PDE5A: variants seen among roughly 807,000 people sequenced by gnomAD.
PDE5A encodes cGMP-specific 3',5'-cyclic phosphodiesterase.
A neutral mutation model predicts 110.2 loss-of-function variants in PDE5A; 67 were observed. That is an observed-to-expected ratio of 0.61 (90% CI 0.50 to 0.75). The LOEUF is 0.75. PDE5A is among the 30% of genes least tolerant of loss of function. The pLI, the probability that PDE5A is intolerant of heterozygous loss-of-function variation, is 0.00. For missense variants in PDE5A, 862 were observed against 1,045.1 expected, an observed-to-expected ratio of 0.82 and a Z score of 2.42; for synonymous variants, 328 against 351.2, an observed-to-expected ratio of 0.93 and a Z score of 0.74.
chr4:119,583,783 G>A (rs1728668586), intron 3 of PDE5A, among the ~76,000 whole-genome samples: 1 of 152,166 alleles, frequency 6.6e-6, no homozygotes, highest in Non-Finnish European at 1.5e-5. Context: ...AAGAGAGAAT[G>A]GAAGGAAATG....
intron 14 of PDE5A, among the ~76,000 whole-genome samples, chr4:119,514,548 TC>T (rs66918511): frequency 0.022 from 3,304 of 152,138 alleles, 119 homozygotes; most frequent in African/African-American, 0.076. Flanking sequence ...TAATGATGAT[TC>T]ATTTCACCTT....
intron 19 of PDE5A, among the ~76,000 whole-genome samples, chr4:119,501,613 A>G (rs1725336770): frequency 6.6e-6 from 1 of 152,298 alleles, no homozygotes; most frequent in Non-Finnish European, 1.5e-5. Context: ...AAAGAACACA[A>G]AGCTGGCTCT....
At chr4:119,502,141 T>C (rs1046063838) in intron 19 of PDE5A, among the ~76,000 whole-genome samples, 1 of 152,112 alleles carries the variant, frequency 6.6e-6, no homozygotes, top group Non-Finnish European at 1.5e-5. Flanking sequence ...CTCTATTAAA[T>C]TCTTTTGATG....
intron 11 of PDE5A, among the ~76,000 whole-genome samples, chr4:119,538,441 G>C (rs1340959556): frequency 6.6e-6 from 1 of 152,064 alleles, no homozygotes; most frequent in Non-Finnish European, 1.5e-5. Context: ...TCCAAACCAA[G>C]ACCTACAACA....
intron 14 of PDE5A, among the ~76,000 whole-genome samples, chr4:119,515,474 G>GA (rs963039668): frequency 6.6e-5 from 10 of 151,794 alleles, no homozygotes; most frequent in African/African-American, 2.2e-4. Flanking sequence ...CTCTAACCTT[G>GA]AAAAAAACAC....
intron 1 of PDE5A, among the ~76,000 whole-genome samples, chr4:119,620,190 G>A (rs914270305): frequency 6.6e-6 from 1 of 152,130 alleles, no homozygotes; most frequent in African/African-American, 2.4e-5. Flanking sequence ...TAAACAAAAC[G>A]GGAGATTTTG....
intron 14 of PDE5A, among the ~76,000 whole-genome samples, chr4:119,516,831 G>C (rs1253920153): frequency 1.3e-5 from 2 of 152,166 alleles, no homozygotes; most frequent in African/African-American, 4.8e-5. Context: ...ATATTGGCCA[G>C]CCTGGTCTCG....
At chr4:119,510,064 GGA>G (rs1725685931) in intron 15 of PDE5A, among the ~76,000 whole-genome samples, 1 of 140,082 alleles carries the variant, frequency 7.1e-6, no homozygotes, top group Non-Finnish European at 1.6e-5. Flanking sequence ...GAGAGAGGAA[GGA>G]GTTAGAAGAA....
chr4:119,523,182 A>C (rs779923742), intron 12 of PDE5A, among the ~76,000 whole-genome samples: 1 of 152,118 alleles, frequency 6.6e-6, no homozygotes, highest in Non-Finnish European at 1.5e-5. Flanking sequence ...TTGTTGTGGT[A>C]GAGAGTGGAA....
At position 119,495,507 on chromosome 4, in the gene PDE5A, A is replaced by C. The variant is rs200180883; in HGVS notation, c.*3094T>G. On this transcript the variant is annotated 3_prime_UTR_variant, in exon 21 of 21. Coordinates refer to ENST00000354960, the MANE Select transcript of PDE5A (RefSeq NM_001083.4). ...AGGAGTACAATCTGGTGAAAAACAC[A>C]GAAAAAAATTGTAGATCAAATTGGA... 1 of 152,578 alleles carries C rather than the reference A, an allele frequency of 6.6e-6. No homozygotes were observed. Among genetic ancestry groups the C allele is most frequent in the Non-Finnish European group, 1.5e-5 (1 of 68,034 alleles). The allele number at this position is 152,578 out of a possible 1,614,324, so 9.5% of individuals were successfully genotyped here. A position where few individuals can be genotyped will look rare whatever the true frequency, so the allele number is the denominator to read the frequency against.
intron 1 of PDE5A, among the ~76,000 whole-genome samples, chr4:119,612,282 T>C (rs1035657617): frequency 2.0e-5 from 3 of 152,142 alleles, no homozygotes; most frequent in African/African-American, 7.2e-5. Context: ...GTAATTGGAT[T>C]ATGGGGGCAG....
At chr4:119,500,913 AAC>A in intron 20 of PDE5A, 1 of 453,234 alleles carries the variant, frequency 2.2e-6, no homozygotes, top group East Asian at 3.9e-5. Context: ...CCTTGAGGGT[AAC>A]ACTGGCACAT....
At chr4:119,557,600 G>C (rs1727587303) in intron 7 of PDE5A, among the ~76,000 whole-genome samples, 2 of 152,066 alleles carry the variant, frequency 1.3e-5, no homozygotes, top group Admixed American at 1.3e-4. Flanking sequence ...AAATCAAAGA[G>C]ACATGGAAAT....
chr4:119,496,199 C>T lies in PDE5A; in HGVS notation c.*2402G>A, dbSNP rs953998445. On this transcript the variant is annotated 3_prime_UTR_variant, in exon 21 of 21. Transcript: ENST00000354960. Reference sequence around the variant, plus strand: ...GGTATGTTACTCTGTTATAACTAAACAAACAAAAAATCTAGAACAAGAACT... The same window carrying T: ...GGTATGTTACTCTGTTATAACTAAATAAACAAAAAATCTAGAACAAGAACT... 2 of 151,952 alleles carry T rather than the reference C, an allele frequency of 1.3e-5. No individual in the cohort carries two copies. Among genetic ancestry groups the T allele is most frequent in the African/African-American group, 4.8e-5 (2 of 41,382 alleles). The allele number at this position is 151,952 out of a possible 1,614,324, so 9.4% of individuals were successfully genotyped here. A position where few individuals can be genotyped will look rare whatever the true frequency, so the allele number is the denominator to read the frequency against.
At chr4:119,568,523 T>G (rs934673819) in intron 3 of PDE5A, among the ~76,000 whole-genome samples, 1 of 152,138 alleles carries the variant, frequency 6.6e-6, no homozygotes. Context: ...ACTGGGGAAG[T>G]GATTACTCTG....
At chr4:119,602,660 C>A (rs1729386112) in intron 2 of PDE5A, among the ~76,000 whole-genome samples, 1 of 152,164 alleles carries the variant, frequency 6.6e-6, no homozygotes, top group African/African-American at 2.4e-5. Flanking sequence ...TGGAAATAAT[C>A]ATCTGAAATT....
rs202223380 is a variant in PDE5A at position 119,498,633 on chromosome 4, T to C, written c.2596A>G (p.Asn866Asp). Residue 866 changes from asparagine to aspartate, a missense_variant, in exon 21 of 21, where the codon AAT (asparagine) becomes GAT (aspartate). Transcript: ENST00000354960. ...LAEQQEKMLI[N>D]GESGQAKRN is the part of the protein sequence containing the mutation. ...CGCTTGGCCTGGCCGCTTTCCCCATTAATCAGCATCTTCTCCTGCTGTTCT... is the reference window on the plus strand; with the variant it reads ...CGCTTGGCCTGGCCGCTTTCCCCATCAATCAGCATCTTCTCCTGCTGTTCT... The C allele has an allele frequency of 1.4e-4, 220 of 1,613,896 alleles. No individual in the cohort carries two copies. The highest frequency in any genetic ancestry group is 1.7e-4 in the Non-Finnish European group (206 of 1,179,944).
chr4:119,564,415 T>C (rs1192961978), intron 5 of PDE5A, among the ~76,000 whole-genome samples: 1 of 151,932 alleles, frequency 6.6e-6, no homozygotes, highest in East Asian at 1.9e-4. Flanking sequence ...AATAAGGAAG[T>C]GAGAAAGAAG....
intron 1 of PDE5A, among the ~76,000 whole-genome samples, chr4:119,622,889 A>G (rs1030269201): frequency 7.3e-5 from 11 of 151,580 alleles, no homozygotes; most frequent in African/African-American, 2.7e-4. Flanking sequence ...AAAGAAAGAA[A>G]AAAAAAGCTT....
Sources: gnomAD v4.1 joint callset for allele counts (sites outside exome capture counted in the v4.1 genomes callset) on GRCh38, gnomAD v4.1.1 for gene constraint, MANE v1.5 for transcripts, NCBI Gene and HGNC (gene_info 2026-07-23, HGNC 2026-07-21) for gene names.